Variants in SLC16A7 observed in about 807,000 individuals in gnomAD.
The protein encoded by SLC16A7 is solute carrier family 16 member 7.
Under a neutral mutation model 34.9 loss-of-function variants are expected in SLC16A7, and 33 were observed. The observed-to-expected ratio is 0.94, with a 90% confidence interval of 0.72 to 1.26. The LOEUF is 1.26. Ranked by LOEUF, SLC16A7 falls within the 50% of genes most tolerant of loss-of-function variation. SLC16A7 has a pLI of 0.00. For synonymous variants in SLC16A7, 201 were observed against 206.6 expected (o/e 0.97, Z 0.23); for missense variants, 573 against 578.1 (o/e 0.99, Z 0.09).
At chr12:59,670,396 C>G (rs151159054) in intron 2 of SLC16A7, among the ~76,000 whole-genome samples, 33 of 151,952 alleles carry the variant, frequency 2.2e-4, no homozygotes, top group Admixed American at 1.0e-3. Flanking sequence ...GAAGTAATCA[C>G]AGCCTGCCTT....
At chr12:59,760,094 A>G (rs565458282) in intron 3 of SLC16A7, among the ~76,000 whole-genome samples, 1 of 152,074 alleles carries the variant, frequency 6.6e-6, no homozygotes, top group Non-Finnish European at 1.5e-5. Flanking sequence ...ACCCGTTATT[A>G]CAAGAACAAA....
intron 3 of SLC16A7, among the ~76,000 whole-genome samples, chr12:59,744,796 T>C (rs1002392544): frequency 2.6e-5 from 4 of 152,110 alleles, no homozygotes; most frequent in African/African-American, 9.7e-5. Context: ...TGGATGGAGA[T>C]TGGTCTGGCC....
intron 3 of SLC16A7, among the ~76,000 whole-genome samples, chr12:59,756,073 G>T (rs928300954): frequency 1.3e-5 from 2 of 152,126 alleles, no homozygotes; most frequent in African/African-American, 4.8e-5. Flanking sequence ...GCTGAAACTG[G>T]ATCCCTTCCT....
rs1872793400 is a variant in SLC16A7 at position 59,700,871 on chromosome 12, T to G, written c.-30-3901T>G. Among the ~76,000 whole-genome samples the G allele has an allele frequency of 2.6e-5, 4 of 151,878 alleles. No individual in the cohort carries two copies. In the South Asian group the frequency reaches 6.2e-4, roughly 24 times the overall value. On this transcript the variant is annotated intron_variant, in intron 2 of 5. Coordinates refer to ENST00000547379, the MANE Select transcript of SLC16A7 (RefSeq NM_001270623.2). ...ACATTCAGCCCCAACTATGACTTAT[T>G]GAACACTTAACTATGTACAGATGAC...
chr12:59,678,504 C>G (rs1565644627), intron 2 of SLC16A7, among the ~76,000 whole-genome samples: 1 of 152,146 alleles, frequency 6.6e-6, no homozygotes, highest in African/African-American at 2.4e-5. Flanking sequence ...GATGTCTGCT[C>G]AGCTCTTTTC....
chr12:59,714,681 C>T lies in SLC16A7; in HGVS notation c.217+9663C>T, dbSNP rs530498108. Among the ~76,000 whole-genome samples the T allele has an allele frequency of 1.6e-3, 249 of 152,250 alleles. 4 individuals carry two copies. The highest frequency in any genetic ancestry group is 1.9e-4 in the Non-Finnish European group (13 of 68,016). On this transcript the variant is annotated intron_variant, in intron 3 of 5. Coordinates refer to ENST00000547379, the MANE Select transcript of SLC16A7 (RefSeq NM_001270623.2). ...CCAGGTCCAAGTGATTCTCCTGTCT[C>T]AGCCTCTCGAGTAGCTAGGATTACA...
intron 3 of SLC16A7, among the ~76,000 whole-genome samples, chr12:59,710,624 TCAGA>T (rs1285806928): frequency 2.0e-5 from 3 of 152,216 alleles, no homozygotes; most frequent in African/African-American, 7.2e-5. Context: ...TATATGTGCC[TCAGA>T]CAGTGAACCT....
intron 5 of SLC16A7, among the ~76,000 whole-genome samples, chr12:59,778,953 G>GTAAA (rs1883019163): frequency 6.6e-6 from 1 of 152,074 alleles, no homozygotes. Flanking sequence ...AAAGCACTTA[G>GTAAA]TAAATATTAG....
intron 5 of SLC16A7, 97 bp downstream of exon 5, chr12:59,775,572 T>C: frequency 1.2e-6 from 1 of 850,550 alleles, no homozygotes; most frequent in Admixed American, 2.7e-5. Context: ...TTTATAATAA[T>C]ACTAATAGCC....
intron 2 of SLC16A7, among the ~76,000 whole-genome samples, chr12:59,674,485 A>G (rs973827022): frequency 6.6e-6 from 1 of 152,212 alleles, no homozygotes; most frequent in African/African-American, 2.4e-5. Flanking sequence ...AGGAGCTTAG[A>G]TTACACATGA....
Position 59,703,951 on chromosome 12 carries a change from C to T in SLC16A7, c.-30-821C>T, listed in dbSNP as rs994552502. ...ATGCGGTGGCTCACACCCGTAATCC[C>T]AACACATTGGGAGGCTGAGGTGGGT... On this transcript the variant is annotated intron_variant, in intron 2 of 5. Coordinates refer to ENST00000547379, the MANE Select transcript of SLC16A7 (RefSeq NM_001270623.2). 3.3e-5 allele frequency among the ~76,000 whole-genome samples: 5 copies of T among 151,578 alleles called. 1 individual carries two copies. In the Middle Eastern group the frequency reaches 0.01, roughly 309 times the overall value.
intron 1 of SLC16A7, among the ~76,000 whole-genome samples, chr12:59,635,694 C>A (rs1210282687): frequency 1.3e-5 from 2 of 151,978 alleles, no homozygotes; most frequent in African/African-American, 2.4e-5. Flanking sequence ...CAGATGGATT[C>A]TATTTTGACA....
intron 3 of SLC16A7, among the ~76,000 whole-genome samples, chr12:59,750,394 G>A (rs1315253706): frequency 2.6e-5 from 4 of 152,082 alleles, no homozygotes; most frequent in African/African-American, 9.7e-5. Flanking sequence ...ATCAAAAAGT[G>A]AGCAAAGGAT....
chr12:59,601,235 C>T (rs571993067), intron 1 of SLC16A7, among the ~76,000 whole-genome samples: 88 of 152,220 alleles, frequency 5.8e-4, no homozygotes, highest in African/African-American at 2.0e-3. Context: ...TACCTCTAAT[C>T]AGATTTCTAT....
chr12:59,637,751 G>A (rs1255898634), intron 1 of SLC16A7, among the ~76,000 whole-genome samples: 1 of 152,138 alleles, frequency 6.6e-6, no homozygotes, highest in African/African-American at 2.4e-5. Context: ...AGTTCCCAAT[G>A]CAACACTGTT....
intron 3 of SLC16A7, among the ~76,000 whole-genome samples, chr12:59,721,560 C>T (rs1875596073): frequency 6.6e-6 from 1 of 151,980 alleles, no homozygotes; most frequent in South Asian, 2.1e-4. Flanking sequence ...GTTATTTAGA[C>T]CAATGTTACC....
chr12:59,760,773 A>T lies in SLC16A7; in HGVS notation c.218-10446A>T, dbSNP rs561407159. Among the ~76,000 whole-genome samples, 12 of 152,186 alleles carry T rather than the reference A, an allele frequency of 7.9e-5. No individual in the cohort carries two copies. In the South Asian group the frequency reaches 1.2e-3, roughly 16 times the overall value. On this transcript the variant is annotated intron_variant, in intron 3 of 5. Coordinates refer to ENST00000547379, the MANE Select transcript of SLC16A7 (RefSeq NM_001270623.2). ...GGACAACACGAGATTTTATCATGCTACTCAGAACAGTGCACAATTTAAAAC... is the reference window on the plus strand; with the variant it reads ...GGACAACACGAGATTTTATCATGCTTCTCAGAACAGTGCACAATTTAAAAC...
chr12:59,662,862 T>C (rs1478134089), intron 2 of SLC16A7, among the ~76,000 whole-genome samples: 1 of 152,172 alleles, frequency 6.6e-6, no homozygotes, highest in African/African-American at 2.4e-5. Context: ...TAATTTTTTG[T>C]ATATTTGCTT....
chr12:59,650,397 A>T (rs184239345), intron 1 of SLC16A7, among the ~76,000 whole-genome samples: 1 of 152,140 alleles, frequency 6.6e-6, no homozygotes. Flanking sequence ...TTCATGAAAG[A>T]TATTTCTTCT....
Sources: gnomAD v4.1 joint callset for allele counts (sites outside exome capture counted in the v4.1 genomes callset) on GRCh38, gnomAD v4.1.1 for gene constraint, MANE v1.5 for transcripts, NCBI Gene and HGNC (gene_info 2026-07-23, HGNC 2026-07-21) for gene names.